The following NDUFA9 variants were observed in gnomAD, a reference collection of about 807,000 sequenced individuals.
The protein encoded by NDUFA9 is NADH:ubiquinone oxidoreductase subunit A9.
NDUFA9 carries 23 observed loss-of-function variants against 45.9 expected under a neutral mutation model. That is an observed-to-expected ratio of 0.50 (90% CI 0.36 to 0.71). NDUFA9 has a LOEUF of 0.71. Among genes scored for constraint, NDUFA9 ranks in the 30% least tolerant of loss-of-function variants. The pLI is 0.00. For synonymous variants in NDUFA9, 176 were observed against 170.5 expected (o/e 1.03, Z -0.25); for missense variants, 466 against 488.2 (o/e 0.95, Z 0.43).
intron 8 of NDUFA9, among the ~76,000 whole-genome samples, chr12:4,672,125 G>A (rs113730047): frequency 0.051 from 7,798 of 152,236 alleles, 294 homozygotes; most frequent in Middle Eastern, 0.11. Context: ...CGCTTCACCC[G>A]GGAAGCATAA....
At chr12:4,666,453 C>T (rs1945853650) in intron 6 of NDUFA9, among the ~76,000 whole-genome samples, 2 of 152,092 alleles carry the variant, frequency 1.3e-5, no homozygotes, top group Middle Eastern at 3.2e-3. Context: ...TCTAAGGAGT[C>T]GTTGCCAAGT....
At chr12:4,671,423 G>A (rs1249106599) in intron 8 of NDUFA9, among the ~76,000 whole-genome samples, 1 of 151,982 alleles carries the variant, frequency 6.6e-6, no homozygotes, top group Non-Finnish European at 1.5e-5. Context: ...GAATATTTAA[G>A]TATAAATTTA....
intron 3 of NDUFA9, chr12:4,655,847 C>G (rs1591542611): frequency 6.6e-6 from 1 of 152,090 alleles, no homozygotes; most frequent in East Asian, 1.9e-4. Context: ...GGGGAGCTGT[C>G]CTGGTTATTA....
Position 4,692,364 on chromosome 12 carries a change from T to C in NDUFA9, c.*5256T>C, listed in dbSNP as rs954052549. Reference sequence around the variant, plus strand: ...TCTCCTCACCCCTTGTTCCTACTCCTACCATGTGAGGTGCTTGCTCCCTTT... The same window carrying C: ...TCTCCTCACCCCTTGTTCCTACTCCCACCATGTGAGGTGCTTGCTCCCTTT... On this transcript the variant is annotated 3_prime_UTR_variant, in exon 11 of 11. Coordinates refer to ENST00000266544, the MANE Select transcript of NDUFA9 (RefSeq NM_005002.5). 1 of 152,238 alleles carries C rather than the reference T, an allele frequency of 6.6e-6. No homozygotes were observed. The highest frequency in any genetic ancestry group is 2.4e-5 in the African/African-American group (1 of 41,460). 9.4% of individuals were successfully genotyped at this position (152,238 alleles called of 1,614,324 possible). A position where few individuals can be genotyped will look rare whatever the true frequency, so the allele number is the denominator to read the frequency against.
At chr12:4,672,460 G>A (rs974383856) in intron 8 of NDUFA9, among the ~76,000 whole-genome samples, 1 of 152,342 alleles carries the variant, frequency 6.6e-6, no homozygotes, top group Admixed American at 6.5e-5. Flanking sequence ...CCCCCACAGA[G>A]CCCAGCAAGC....
At chr12:4,659,305 C>A in intron 5 of NDUFA9, 128 bp downstream of exon 5, 1 of 790,956 alleles carries the variant, frequency 1.3e-6, no homozygotes, top group Non-Finnish European at 1.9e-6. Flanking sequence ...TGATTCCCTG[C>A]ATCCAGAACT....
intron 3 of NDUFA9, chr12:4,655,884 C>T (rs1277339850): frequency 6.6e-6 from 1 of 152,166 alleles, no homozygotes; most frequent in Non-Finnish European, 1.5e-5. Context: ...TGCTAAATAT[C>T]CTACGGAGCA....
intron 5 of NDUFA9, 92 bp from the exon 6 acceptor site, chr12:4,662,441 T>G: frequency 1.1e-6 from 1 of 941,210 alleles, no homozygotes; most frequent in Non-Finnish European, 1.7e-6. Flanking sequence ...ATATCGCCTT[T>G]GAAATACAAG....
intron 6 of NDUFA9, among the ~76,000 whole-genome samples, chr12:4,663,967 C>G (rs768153731): frequency 6.6e-6 from 1 of 152,084 alleles, no homozygotes; most frequent in Non-Finnish European, 1.5e-5. Context: ...ATTGGCTGAT[C>G]TGTGTGTGTT....
intron 1 of NDUFA9, among the ~76,000 whole-genome samples, chr12:4,650,232 T>C (rs1417887948): frequency 6.6e-6 from 1 of 152,084 alleles, no homozygotes; most frequent in Non-Finnish European, 1.5e-5. Context: ...TAGGAGTGTT[T>C]AGAGGATCCT....
At chr12:4,679,806 C>G (rs976366151) in intron 8 of NDUFA9, among the ~76,000 whole-genome samples, 10 of 152,126 alleles carry the variant, frequency 6.6e-5, no homozygotes, top group African/African-American at 2.4e-4. Context: ...GGAGGTACCA[C>G]CCTGGATTTG....
intron 5 of NDUFA9, 98 bp downstream of exon 5, chr12:4,659,275 T>C (rs1945810020): frequency 7.5e-6 from 8 of 1,061,500 alleles, no homozygotes; most frequent in East Asian, 2.5e-5. Context: ...CACAGACATA[T>C]GTAGAATTAA....
intron 10 of NDUFA9, among the ~76,000 whole-genome samples, chr12:4,685,654 CT>C (rs1297376753): frequency 6.6e-6 from 1 of 151,966 alleles, no homozygotes; most frequent in Non-Finnish European, 1.5e-5. Flanking sequence ...CACATCCTAA[CT>C]CCTCCTAACT....
At chr12:4,679,586 G>A (rs1945940664) in intron 8 of NDUFA9, among the ~76,000 whole-genome samples, 2 of 152,206 alleles carry the variant, frequency 1.3e-5, no homozygotes, top group African/African-American at 2.4e-5. Context: ...CTGCCAGGAG[G>A]TTGAGTGAGT....
At chr12:4,654,797 A>G (rs1591542245) in intron 2 of NDUFA9, 28 bp from the exon 3 acceptor site, 2 of 1,522,034 alleles carry the variant, frequency 1.3e-6, no homozygotes, top group Non-Finnish European at 1.8e-6. Context: ...GTTAATGTTG[A>G]TCCTTTTTTC....
chr12:4,657,910 C>G, intron 4 of NDUFA9, 71 bp downstream of exon 4: 1 of 1,143,836 alleles, frequency 8.7e-7, no homozygotes, highest in Non-Finnish European at 1.3e-6. Flanking sequence ...CGCTGGGCAC[C>G]TTTTATGTGC....
At chr12:4,682,727 C>T (rs1945961111) in intron 9 of NDUFA9, among the ~76,000 whole-genome samples, 1 of 152,180 alleles carries the variant, frequency 6.6e-6, no homozygotes, top group Non-Finnish European at 1.5e-5. Flanking sequence ...GTTGCCTTCT[C>T]TTCTTTCCCT....
chr12:4,658,270 T>G (rs1945803005), intron 4 of NDUFA9, among the ~76,000 whole-genome samples: 1 of 152,234 alleles, frequency 6.6e-6, no homozygotes, highest in Non-Finnish European at 1.5e-5. Context: ...GTATGGATTG[T>G]TTATTAACAA....
In NDUFA9 at chr12:4,689,766, C is replaced by T. The variant is rs1357472439; in HGVS notation, c.*2658C>T. ...CCCCACATTTCCCCCTTTTCTATTC[C>T]GCAAAACCACCATCGTCATCATGGC... On this transcript the variant is annotated 3_prime_UTR_variant, in exon 11 of 11. Coordinates refer to ENST00000266544, the MANE Select transcript of NDUFA9 (RefSeq NM_005002.5). The T allele has an allele frequency of 9.0e-5, 16 of 178,372 alleles. No homozygotes were observed. Among genetic ancestry groups the T allele is most frequent in the African/African-American group, 1.2e-4 (5 of 41,796 alleles). The allele number at this position is 178,372 out of a possible 1,614,324, so 11.0% of individuals were successfully genotyped here.
Sources: gnomAD v4.1 joint callset for allele counts (sites outside exome capture counted in the v4.1 genomes callset) on GRCh38, gnomAD v4.1.1 for gene constraint, MANE v1.5 for transcripts, NCBI Gene and HGNC (gene_info 2026-07-23, HGNC 2026-07-21) for gene names.